IQCM: variants seen among roughly 807,000 people sequenced by gnomAD.
IQCM encodes the protein IQ domain-containing protein M.
A neutral mutation model predicts 57.6 loss-of-function variants in IQCM; 45 were observed. The observed-to-expected ratio is 0.78, with a 90% CI of 0.62 to 1.00. IQCM has a LOEUF of 1.00. IQCM is among the 50% of genes least tolerant of loss of function. IQCM has a pLI of 0.00. For missense variants in IQCM, 468 were observed against 511.6 expected (o/e 0.91, Z 0.82); for synonymous variants, 148 against 158.9 (o/e 0.93, Z 0.51).
chr4:149,578,105 C>T lies in IQCM; in HGVS notation c.749+9825G>A, dbSNP rs185748502. 2.1e-3 allele frequency among the ~76,000 whole-genome samples: 323 copies of T among 151,766 alleles called. 5 individuals are homozygous for T. The highest frequency in any genetic ancestry group is 0.019 in the East Asian group (96 of 5,116). Reference sequence around the variant, plus strand: ...AACTTTGCTGAAGTTTATCAGATCACGGAACCTTTAGGCAGAGGCTATGGG... The same window carrying T: ...AACTTTGCTGAAGTTTATCAGATCATGGAACCTTTAGGCAGAGGCTATGGG... On this transcript the variant is annotated intron_variant, in intron 9 of 13. Coordinates refer to ENST00000636793, the MANE Select transcript of IQCM (RefSeq NM_001363507.2).
At chr4:149,724,170 T>A (rs545955214) in intron 5 of IQCM, among the ~76,000 whole-genome samples, 54 of 152,150 alleles carry the variant, frequency 3.5e-4, no homozygotes, top group African/African-American at 1.3e-3. Flanking sequence ...TTTTGGAATC[T>A]GCAGAGTTCA....
At chr4:149,806,938 G>C (rs1218592296) in intron 2 of IQCM, among the ~76,000 whole-genome samples, 1 of 151,212 alleles carries the variant, frequency 6.6e-6, no homozygotes, top group Non-Finnish European at 1.5e-5. Context: ...TACAAAACAG[G>C]AATAAATTAA....
chr4:149,600,275 T>C (rs1304112471), intron 8 of IQCM, among the ~76,000 whole-genome samples: 1 of 152,152 alleles, frequency 6.6e-6, no homozygotes, highest in Non-Finnish European at 1.5e-5. Context: ...TTGTGCTTTA[T>C]GTGTATTATC....
intron 8 of IQCM, among the ~76,000 whole-genome samples, chr4:149,618,067 T>C (rs573199871): frequency 6.6e-6 from 1 of 152,070 alleles, no homozygotes; most frequent in South Asian, 2.1e-4. Context: ...TAAGCAAAAA[T>C]GATAAAGCTA....
At chr4:149,716,707 C>G (rs900519522) in intron 5 of IQCM, among the ~76,000 whole-genome samples, 11 of 152,310 alleles carry the variant, frequency 7.2e-5, no homozygotes, top group South Asian at 2.1e-4. Flanking sequence ...TCATACCCAT[C>G]AAACCTGTTC....
chr4:149,466,140 C>T (rs1475463036), intron 12 of IQCM, among the ~76,000 whole-genome samples: 1 of 152,168 alleles, frequency 6.6e-6, no homozygotes, highest in African/African-American at 2.4e-5. Flanking sequence ...GTGAACAATG[C>T]TGATAATATG....
At chr4:149,726,339 A>C (rs896445773) in intron 5 of IQCM, among the ~76,000 whole-genome samples, 1 of 152,090 alleles carries the variant, frequency 6.6e-6, no homozygotes, top group African/African-American at 2.4e-5. Context: ...CTGCTCTATC[A>C]ATCCACCTGC....
At chr4:149,683,329 A>G (rs1466805184) in intron 6 of IQCM, among the ~76,000 whole-genome samples, 2 of 151,290 alleles carry the variant, frequency 1.3e-5, no homozygotes, top group African/African-American at 2.4e-5. Flanking sequence ...TTTGAAAATT[A>G]TATAAATCTT....
intron 12 of IQCM, among the ~76,000 whole-genome samples, chr4:149,441,950 A>G (rs952093150): frequency 1.3e-5 from 2 of 152,096 alleles, no homozygotes; most frequent in Non-Finnish European, 2.9e-5. Context: ...ACCTTCCACC[A>G]TGTAATCATA....
chr4:149,483,822 T>C (rs1401261391), intron 12 of IQCM, among the ~76,000 whole-genome samples: 1 of 151,986 alleles, frequency 6.6e-6, no homozygotes, highest in Non-Finnish European at 1.5e-5. Context: ...GAGCTTTCTT[T>C]GTTTATTTTC....
chr4:149,552,433 A>C (rs1169196864), intron 11 of IQCM, among the ~76,000 whole-genome samples: 1 of 152,168 alleles, frequency 6.6e-6, no homozygotes, highest in Non-Finnish European at 1.5e-5. Flanking sequence ...ACTGGCTCTA[A>C]TAATCTATCC....
intron 12 of IQCM, among the ~76,000 whole-genome samples, chr4:149,435,791 T>TA (rs111990886): frequency 0.04 from 6,036 of 149,114 alleles, 421 homozygotes; most frequent in African/African-American, 0.14. Flanking sequence ...AATAAGAAGC[T>TA]AAAAAAAAAC....
At chr4:149,482,035 G>T (rs1344496569) in intron 12 of IQCM, among the ~76,000 whole-genome samples, 1 of 151,454 alleles carries the variant, frequency 6.6e-6, no homozygotes, top group Non-Finnish European at 1.5e-5. Flanking sequence ...AATTTTATGT[G>T]TGGCTATTAT....
intron 2 of IQCM, among the ~76,000 whole-genome samples, chr4:149,747,731 G>A (rs775100771): frequency 6.6e-6 from 1 of 152,134 alleles, no homozygotes; most frequent in South Asian, 2.1e-4. Context: ...TTAATATCAG[G>A]CTAGCTAGGA....
At chr4:149,498,201 G>T (rs575945804) in intron 12 of IQCM, among the ~76,000 whole-genome samples, 1 of 152,208 alleles carries the variant, frequency 6.6e-6, no homozygotes, top group African/African-American at 2.4e-5. Context: ...AACAAGAAAA[G>T]GGAGAAGTAT....
At chr4:149,373,171 C>T (rs983074444) in intron 13 of IQCM, among the ~76,000 whole-genome samples, 5 of 152,084 alleles carry the variant, frequency 3.3e-5, no homozygotes, top group African/African-American at 7.2e-5. Flanking sequence ...AGTGAAATCA[C>T]TTTATATGTT....
At chr4:149,676,143 C>G (rs1041285560) in intron 7 of IQCM, among the ~76,000 whole-genome samples, 3 of 151,926 alleles carry the variant, frequency 2.0e-5, no homozygotes, top group Non-Finnish European at 4.4e-5. Flanking sequence ...AGTGACCTAC[C>G]AAATGTATCA....
intron 7 of IQCM, among the ~76,000 whole-genome samples, chr4:149,648,825 C>A (rs1001788489): frequency 7.9e-5 from 12 of 151,362 alleles, no homozygotes; most frequent in Admixed American, 7.9e-4. Context: ...TGCAGCACAC[C>A]AACATGGCAC....
chr4:149,478,906 T>C (rs1189397788), intron 12 of IQCM, among the ~76,000 whole-genome samples: 1 of 152,142 alleles, frequency 6.6e-6, no homozygotes, highest in Non-Finnish European at 1.5e-5. Flanking sequence ...TTATATATGC[T>C]TATTATTTTT....
Sources: gnomAD v4.1 joint callset for allele counts (sites outside exome capture counted in the v4.1 genomes callset) on GRCh38, gnomAD v4.1.1 for gene constraint, MANE v1.5 for transcripts, NCBI Gene and HGNC (gene_info 2026-07-23, HGNC 2026-07-21) for gene names.